The following OR4D1 variants were observed in gnomAD, a reference collection of about 807,000 sequenced individuals.
OR4D1 encodes olfactory receptor family 4 subfamily D member 1.
A neutral mutation model predicts 14.2 loss-of-function variants in OR4D1; 10 were observed. That is an observed-to-expected ratio of 0.71 (90% CI 0.44 to 1.20). The LOEUF (loss-of-function observed/expected upper bound fraction) is 1.20. Among genes scored for constraint, OR4D1 ranks in the 50% most tolerant of loss-of-function variants. The probability of loss-of-function intolerance (pLI) is 0.00; values close to 1 mark genes in which losing one functional copy is unlikely to be tolerated. For synonymous variants in OR4D1, 141 were observed against 147.4 expected (o/e 0.96, Z 0.32); for missense variants, 345 against 376.6 (o/e 0.92, Z 0.70).
chr17:58,154,922 C>A (rs946493225), intron 3 of OR4D1, among the ~76,000 whole-genome samples: 6 of 152,168 alleles, frequency 3.9e-5, no homozygotes, highest in African/African-American at 7.2e-5. Context: ...GACCCAGATT[C>A]TTGTAATATA....
At chr17:58,153,674 G>A (rs1217875788) in intron 2 of OR4D1, among the ~76,000 whole-genome samples, 183 bp from the exon 3 acceptor site, 4 of 152,110 alleles carry the variant, frequency 2.6e-5, no homozygotes, top group Non-Finnish European at 5.9e-5. Context: ...GTCTGTACAG[G>A]ATGGGGCCTT....
At chr17:58,151,463 G>A (rs890301580) in intron 2 of OR4D1, among the ~76,000 whole-genome samples, 9 of 151,924 alleles carry the variant, frequency 5.9e-5, no homozygotes, top group Admixed American at 2.6e-4. Context: ...TTCCCCTCAC[G>A]TGTCCGTGTG....
intron 2 of OR4D1, among the ~76,000 whole-genome samples, chr17:58,150,853 C>T (rs1374646381): frequency 4.6e-5 from 7 of 152,152 alleles, no homozygotes; most frequent in East Asian, 1.9e-4. Flanking sequence ...GAACCCTTCC[C>T]CTTGCACACC....
chr17:58,153,614 C>A (rs1355376729), intron 2 of OR4D1, among the ~76,000 whole-genome samples: 1 of 152,176 alleles, frequency 6.6e-6, no homozygotes, highest in Non-Finnish European at 1.5e-5. Flanking sequence ...TGCTACCCTA[C>A]CCATGTGCCA....
Position 58,157,642 on chromosome 17 carries a change from T to C in OR4D1, c.*1556T>C. 1 of 1,613,772 alleles carries C rather than the reference T, an allele frequency of 6.2e-7. No homozygotes were observed. Among genetic ancestry groups the C allele is most frequent in the South Asian group, 1.1e-5 (1 of 91,058 alleles). Reference sequence around the variant, plus strand: ...AAAAGCTGAAAATGGCTGCAAAACCTATGCTACCCTCCAGCTTCAGTCTCC... The same window carrying C: ...AAAAGCTGAAAATGGCTGCAAAACCCATGCTACCCTCCAGCTTCAGTCTCC... On this transcript the variant is annotated 3_prime_UTR_variant, in exon 4 of 4. Coordinates refer to ENST00000268912, the MANE Select transcript of OR4D1 (RefSeq NM_001386095.1).
chr17:58,151,506 A>G (rs556819952), intron 2 of OR4D1, among the ~76,000 whole-genome samples: 96 of 152,238 alleles, frequency 6.3e-4, no homozygotes, highest in African/African-American at 2.3e-3. Context: ...TGTAAGTGAG[A>G]ACACTCTGTG....
At position 58,155,251 on chromosome 17, in the gene OR4D1, T is replaced by C. The variant is rs747257271; in HGVS notation, c.98T>C (p.Leu33Ser). 4.2e-5 allele frequency: 68 copies of C among 1,614,196 alleles called. No homozygotes were observed. In the Middle Eastern group the frequency reaches 8.2e-4, roughly 20 times the overall value. ...LQKFLFLLFL[L>S]VYVTTIVGNL... ...AAATTCCTGTTCCTTCTGTTCCTGT[T>C]AGTCTATGTTACCACCATTGTGGGA... Residue 33 changes from leucine (L) to serine (S), a missense_variant, in exon 4 of 4, where the codon TTA (leucine) becomes TCA (serine). Physicochemically the swap from Leu to Ser is moderately radical, Grantham distance 145. Transcript: ENST00000268912.
intron 2 of OR4D1, among the ~76,000 whole-genome samples, chr17:58,153,442 G>C (rs1382394920): frequency 6.6e-6 from 1 of 152,196 alleles, no homozygotes; most frequent in African/African-American, 2.4e-5. Context: ...AATATCTGAG[G>C]ATAAATGTGA....
intron 2 of OR4D1, among the ~76,000 whole-genome samples, chr17:58,150,326 A>G (rs942877812): frequency 8.5e-5 from 13 of 152,346 alleles, no homozygotes; most frequent in African/African-American, 3.1e-4. Flanking sequence ...AAGTTTATGT[A>G]TGTACTATGT....
chr17:58,152,921 C>T (rs200410185), intron 2 of OR4D1, among the ~76,000 whole-genome samples: 5 of 152,124 alleles, frequency 3.3e-5, no homozygotes, highest in East Asian at 3.9e-4. Context: ...GGGGACAGAG[C>T]GAGACCCTGT....
In OR4D1 at chr17:58,159,190, T is replaced by C. The variant is rs1171994824; in HGVS notation, c.*3104T>C. On this transcript the variant is annotated 3_prime_UTR_variant, in exon 4 of 4. Coordinates refer to ENST00000268912, the MANE Select transcript of OR4D1 (RefSeq NM_001386095.1). ...TTTGCCCTTTGTTTTTGTTCCATCT[T>C]TACTAAATACTCTTTGGATAATCTT... 1.3e-5 allele frequency: 2 copies of C among 152,234 alleles called. No individual in the cohort carries two copies. Among genetic ancestry groups the C allele is most frequent in the Non-Finnish European group, 2.9e-5 (2 of 68,046 alleles). The allele number at this position is 152,234 out of a possible 1,614,324, so 9.4% of individuals were successfully genotyped here.
rs1402009991 is a variant in OR4D1, at chr17:58,159,538, T to A, written c.*3452T>A. The A allele has an allele frequency of 1.3e-5, 2 of 152,484 alleles. No individual in the cohort carries two copies. Among genetic ancestry groups the A allele is most frequent in the Non-Finnish European group, 2.9e-5 (2 of 68,100 alleles). 9.4% of individuals were successfully genotyped at this position (152,484 alleles called of 1,614,324 possible). ...ACCTGTTGGAACCTTAATCTTGGAC[T>A]GTCCAGCCTCCAGAACTGCAAAAGA... On this transcript the variant is annotated 3_prime_UTR_variant, in exon 4 of 4. Coordinates refer to ENST00000268912, the MANE Select transcript of OR4D1 (RefSeq NM_001386095.1).
chr17:58,157,017 G>C lies in OR4D1; in HGVS notation c.*931G>C. The stretch of plus-strand genomic sequence containing the variant: ...TCGGGAGCTACGTAGGGCAGGGAAG[G>C]CATGGCTTCTGTTTTCGTCCAATGA... On this transcript the variant is annotated 3_prime_UTR_variant, in exon 4 of 4. Transcript: ENST00000268912. 1 of 920,672 alleles carries C rather than the reference G, an allele frequency of 1.1e-6. No individual in the cohort carries two copies. Among genetic ancestry groups the C allele is most frequent in the Non-Finnish European group, 1.7e-6 (1 of 591,256 alleles). 57.0% of individuals were successfully genotyped at this position (920,672 alleles called of 1,614,324 possible). A position where few individuals can be genotyped will look rare whatever the true frequency, so the allele number is the denominator to read the frequency against.
In OR4D1 at chr17:58,157,141, G is replaced by A. The variant is rs1208523310; in HGVS notation, c.*1055G>A. The A allele has an allele frequency of 2.0e-6, 3 of 1,467,176 alleles. No homozygotes were observed. The African/African-American group carries it at 4.2e-5, about 21-fold the overall frequency. The allele number at this position is 1,467,176 out of a possible 1,614,324, so 90.9% of individuals were successfully genotyped here. ...GTCAAGGTCTCCAGCCTGCCCTACA[G>A]TGTGGATGCGCTCGTGTCGGACAAG... On this transcript the variant is annotated 3_prime_UTR_variant, in exon 4 of 4. Coordinates refer to ENST00000268912, the MANE Select transcript of OR4D1 (RefSeq NM_001386095.1).
rs542400831 is a variant in OR4D1, at chr17:58,153,892, C to T, written c.-91C>T. On this transcript the variant is annotated 5_prime_UTR_variant, in exon 3 of 4. Transcript: ENST00000268912. ...AGCTGGAGTGCAGTGGCCATAATAG[C>T]TCACTGCAGCCTTGATCTCCTGGGC... 5.9e-5 allele frequency among the ~76,000 whole-genome samples: 9 copies of T among 152,298 alleles called. No individual in the cohort carries two copies. In the South Asian group the frequency reaches 1.9e-3, roughly 32 times the overall value.
rs202188750 is a variant in OR4D1, at chr17:58,157,729, T to C, written c.*1643T>C. The C allele has an allele frequency of 1.4e-4, 224 of 1,613,676 alleles. No individual in the cohort carries two copies. Among genetic ancestry groups the C allele is most frequent in the Non-Finnish European group, 1.7e-4 (206 of 1,179,822 alleles). ...TATACGCAGCATCCTACCCGTTCCATAGACCTGTGCTTCCCATCCCGCCCG... is the reference window on the plus strand; with the variant it reads ...TATACGCAGCATCCTACCCGTTCCACAGACCTGTGCTTCCCATCCCGCCCG... On this transcript the variant is annotated 3_prime_UTR_variant, in exon 4 of 4. Transcript: ENST00000268912.
At chr17:58,152,225 G>C (rs117223735) in intron 2 of OR4D1, among the ~76,000 whole-genome samples, 3 of 152,110 alleles carry the variant, frequency 2.0e-5, no homozygotes, top group African/African-American at 7.2e-5. Flanking sequence ...GGCTGCTCTC[G>C]AACTCCTGAC....
chr17:58,149,349 T>A (rs142082299), intron 1 of OR4D1, 80 bp from the exon 2 acceptor site: 1 of 152,346 alleles, frequency 6.6e-6, no homozygotes, highest in African/African-American at 2.4e-5. Flanking sequence ...CTGGTGATGC[T>A]GGGAATTAGG....
intron 2 of OR4D1, among the ~76,000 whole-genome samples, chr17:58,152,925 A>G (rs1967721607): frequency 1.3e-5 from 2 of 152,248 alleles, no homozygotes; most frequent in Non-Finnish European, 1.5e-5. Flanking sequence ...ACAGAGCGAG[A>G]CCCTGTCTGA....
Sources: allele counts gnomAD v4.1 joint callset (sites outside exome capture counted in the v4.1 genomes callset), GRCh38; gene constraint gnomAD v4.1.1; transcripts MANE v1.5; gene names NCBI Gene and HGNC (gene_info 2026-07-23, HGNC 2026-07-21).